NEK11: variants seen among roughly 807,000 people sequenced by gnomAD.
The protein encoded by NEK11 is NIMA related kinase 11.
In NEK11, 72 loss-of-function variants were observed where a neutral mutation model predicts 80.7. The ratio of observed to expected loss-of-function variants is 0.89; its 90% confidence interval spans 0.74 to 1.08. The LOEUF is 1.08. NEK11 is among the 50% of genes least tolerant of loss of function. The probability of loss-of-function intolerance (pLI) is 0.00; values close to 1 mark genes in which losing one functional copy is unlikely to be tolerated. For synonymous variants in NEK11, 251 were observed against 260.7 expected (o/e 0.96, Z 0.36); for missense variants, 764 against 763.6 (o/e 1.00, Z -0.01).
intron 17 of NEK11, among the ~76,000 whole-genome samples, chr3:131,280,557 G>T (rs1010822250): frequency 1.3e-5 from 2 of 152,156 alleles, no homozygotes; most frequent in Non-Finnish European, 2.9e-5. Context: ...AACATTCAGT[G>T]TATTCTTCAT....
intron 4 of NEK11, among the ~76,000 whole-genome samples, chr3:131,098,680 A>G (rs1050829514): frequency 6.7e-6 from 1 of 149,896 alleles, no homozygotes; most frequent in Non-Finnish European, 1.5e-5. Context: ...GGTTCAAGCG[A>G]TTTTCCTGCC....
At chr3:131,105,698 G>C (rs1247650348) in intron 4 of NEK11, among the ~76,000 whole-genome samples, 2 of 152,072 alleles carry the variant, frequency 1.3e-5, no homozygotes, top group Non-Finnish European at 2.9e-5. Flanking sequence ...GAACAGCATG[G>C]GGGAAACCAC....
intron 3 of NEK11, among the ~76,000 whole-genome samples, chr3:131,039,994 A>C (rs760025689): frequency 1.3e-5 from 2 of 150,938 alleles, no homozygotes; most frequent in Admixed American, 1.3e-4. Flanking sequence ...TTGTACATCT[A>C]TGTGGGAAAT....
chr3:131,223,243 T>C (rs759034204), intron 14 of NEK11, among the ~76,000 whole-genome samples: 2 of 152,224 alleles, frequency 1.3e-5, no homozygotes, highest in Non-Finnish European at 2.9e-5. Flanking sequence ...ACTTACGTTT[T>C]TTTTGACTTT....
intron 17 of NEK11, among the ~76,000 whole-genome samples, chr3:131,319,642 G>T (rs1413592871): frequency 6.6e-6 from 1 of 152,120 alleles, no homozygotes; most frequent in Non-Finnish European, 1.5e-5. Flanking sequence ...TTACCTGACT[G>T]TGACAAGGAA....
chr3:131,296,321 A>G (rs1482566889), intron 17 of NEK11, among the ~76,000 whole-genome samples: 1 of 152,144 alleles, frequency 6.6e-6, no homozygotes, highest in African/African-American at 2.4e-5. Flanking sequence ...TACATCATTG[A>G]GTACATTTTT....
chr3:131,133,884 T>C lies in NEK11; in HGVS notation c.575T>C (p.Leu192Ser), dbSNP rs781764881. 1.9e-6 allele frequency: 3 copies of C among 1,612,466 alleles called. No homozygotes were observed. The highest frequency in any genetic ancestry group is 1.7e-5 in the Admixed American group (1 of 59,954). ...GGATCCTGTGACCTGGCCACAACTT[T>C]AACTGGAACTCCCCATTATATGAGT... ...LMGSCDLATT[L>S]TGTPHYMSPE... Residue 192 changes from leucine to serine, a missense_variant, in exon 7 of 18, where the codon TTA becomes TCA. By Grantham distance (145) the Leu-to-Ser change is moderately radical. Coordinates refer to ENST00000383366, the MANE Select transcript of NEK11 (RefSeq NM_024800.5).
intron 3 of NEK11, among the ~76,000 whole-genome samples, chr3:131,061,620 A>G (rs1189855338): frequency 6.6e-6 from 1 of 152,224 alleles, no homozygotes; most frequent in East Asian, 1.9e-4. Context: ...AGTTCTACAC[A>G]AAGTAATTTA....
intron 14 of NEK11, among the ~76,000 whole-genome samples, chr3:131,223,380 C>G (rs1287954236): frequency 2.6e-5 from 4 of 152,066 alleles, no homozygotes; most frequent in Non-Finnish European, 4.4e-5. Context: ...GGCACTTTTC[C>G]CTGGCCACTT....
chr3:131,124,222 A>C (rs988851917), intron 5 of NEK11, among the ~76,000 whole-genome samples: 2 of 152,164 alleles, frequency 1.3e-5, no homozygotes, highest in Non-Finnish European at 2.9e-5. Context: ...CTTGTGTCTC[A>C]TTGATGTTAG....
At chr3:131,326,684 G>A (rs1000095905) in intron 17 of NEK11, among the ~76,000 whole-genome samples, 1 of 152,128 alleles carries the variant, frequency 6.6e-6, no homozygotes, top group Non-Finnish European at 1.5e-5. Context: ...GTGCTGTAGA[G>A]GGGTACCCTC....
intron 14 of NEK11, among the ~76,000 whole-genome samples, chr3:131,210,003 A>T (rs1232954637): frequency 1.3e-5 from 2 of 152,018 alleles, no homozygotes; most frequent in Admixed American, 6.5e-5. Context: ...CTCTGATCTT[A>T]GTTATTTCTT....
rs954271870 is a variant in NEK11, at chr3:131,262,736, C to A, written c.1622-10742C>A. Among the ~76,000 whole-genome samples, 4 of 152,212 alleles carry A rather than the reference C, an allele frequency of 2.6e-5. No homozygotes were observed. The East Asian group carries it at 7.7e-4, about 29-fold the overall frequency. ...GGTGCAAGTTTGTTACATAGGTATA[C>A]ACATGCCATGGTGGTTTGCTGCACC... On this transcript the variant is annotated intron_variant, in intron 16 of 17. Coordinates refer to ENST00000383366, the MANE Select transcript of NEK11 (RefSeq NM_024800.5).
intron 17 of NEK11, among the ~76,000 whole-genome samples, chr3:131,275,498 T>C (rs2096277747): frequency 6.6e-6 from 1 of 152,222 alleles, no homozygotes. Context: ...TGCTTGGCTG[T>C]AATTGACCAA....
chr3:131,234,327 C>T (rs558153808), intron 15 of NEK11, among the ~76,000 whole-genome samples: 3 of 152,224 alleles, frequency 2.0e-5, no homozygotes, highest in African/African-American at 7.2e-5. Context: ...ACTTATTTGC[C>T]TGTTATTTTT....
chr3:131,105,301 T>C (rs1437669192), intron 4 of NEK11, among the ~76,000 whole-genome samples: 4 of 152,252 alleles, frequency 2.6e-5, no homozygotes, highest in Non-Finnish European at 4.4e-5. Context: ...TGTTTTAACA[T>C]AAAGGATGAA....
chr3:131,091,796 C>CA lies in NEK11; in HGVS notation c.336+11216dup, dbSNP rs376207622. 4.7e-3 allele frequency among the ~76,000 whole-genome samples: 722 copies of CA among 152,118 alleles called. 3 individuals are homozygous for CA. The highest frequency in any genetic ancestry group is 7.9e-3 in the Non-Finnish European group (534 of 67,994). On this transcript the variant is annotated intron_variant, in intron 4 of 17. Coordinates refer to ENST00000383366, the MANE Select transcript of NEK11 (RefSeq NM_024800.5). ...TTACCAAAGTTTATTTGAGCACACA[C>CA]AAAAAAAATTTCTTGAATTGGGCAA...
At chr3:131,302,870 G>A (rs775768596) in intron 17 of NEK11, among the ~76,000 whole-genome samples, 1 of 152,094 alleles carries the variant, frequency 6.6e-6, no homozygotes, top group Non-Finnish European at 1.5e-5. Context: ...GGGTCCTTTT[G>A]GTCAAATGTC....
intron 17 of NEK11, among the ~76,000 whole-genome samples, chr3:131,332,236 C>A (rs928965037): frequency 3.4e-4 from 52 of 152,220 alleles, no homozygotes; most frequent in African/African-American, 1.2e-3. Flanking sequence ...CACACTGACA[C>A]CTCACATGGC....
Sources: gnomAD v4.1 joint callset for allele counts (sites outside exome capture counted in the v4.1 genomes callset) on GRCh38, gnomAD v4.1.1 for gene constraint, MANE v1.5 for transcripts, NCBI Gene and HGNC (gene_info 2026-07-23, HGNC 2026-07-21) for gene names.